The following ZNRF2 variants were observed in gnomAD, a reference collection of about 807,000 sequenced individuals.
ZNRF2 encodes the protein zinc and ring finger 2.
ZNRF2 carries 16 observed loss-of-function variants against 20.4 expected under a neutral mutation model. That is an observed-to-expected ratio of 0.79 (90% CI 0.53 to 1.19). The LOEUF (loss-of-function observed/expected upper bound fraction) is 1.19, where lower values mean the gene tolerates loss of function less well. Ranked by LOEUF, ZNRF2 falls within the 50% of genes most tolerant of loss-of-function variation. The pLI is 0.00. For missense variants in ZNRF2, 363 were observed against 332.4 expected (o/e 1.09, Z -0.72); for synonymous variants, 178 against 144.9 (o/e 1.23, Z -1.64).
intron 2 of ZNRF2, among the ~76,000 whole-genome samples, chr7:30,326,198 G>T (rs1799549458): frequency 6.6e-6 from 1 of 152,052 alleles, no homozygotes; most frequent in Non-Finnish European, 1.5e-5. Flanking sequence ...GTAAACTTGT[G>T]TCATGGGGGT....
chr7:30,285,782 T>C lies in ZNRF2; in HGVS notation c.425T>C (p.Val142Ala). 5.3e-6 allele frequency: 8 copies of C among 1,508,444 alleles called. No individual in the cohort carries two copies. Among genetic ancestry groups the C allele is most frequent in the South Asian group, 1.3e-5 (1 of 78,152 alleles). 93.4% of individuals were successfully genotyped at this position (1,508,444 alleles called of 1,614,324 possible). The part of the protein sequence containing the change: ...VGGSPGGPRL[V>A]IGSLPAHLSP... ...GGGAGCCCCGGCGGGCCGCGCCTGG[T>C]GATCGGCTCCTTACCAGCTCACCTC... The change falls in exon 1 of 5, where the codon GTG (valine) becomes GCG (alanine). Residue 142 changes from valine to alanine, a missense_variant. Around this residue, in one of 2 missense-constraint regions of ZNRF2, gnomAD observed 302 missense variants for 231.5 expected, o/e 1.30. Transcript: ENST00000323037.
At chr7:30,336,019 A>C (rs957730613) in intron 2 of ZNRF2, among the ~76,000 whole-genome samples, 1 of 152,168 alleles carries the variant, frequency 6.6e-6, no homozygotes, top group Non-Finnish European at 1.5e-5. Flanking sequence ...GAGAGTACCT[A>C]GCTGCTGTAA....
intron 1 of ZNRF2, chr7:30,288,773 A>C (rs2128054191): frequency 6.6e-6 from 1 of 152,360 alleles, no homozygotes; most frequent in Non-Finnish European, 1.5e-5. Context: ...GGAGTGTTAA[A>C]GTGAACAGAC....
intron 1 of ZNRF2, among the ~76,000 whole-genome samples, chr7:30,321,715 C>T (rs1583580568): frequency 2.0e-5 from 3 of 152,236 alleles, no homozygotes; most frequent in African/African-American, 7.2e-5. Flanking sequence ...CTCGTTTATG[C>T]TAAGTTTAAC....
chr7:30,294,366 C>T (rs376470651), intron 1 of ZNRF2, among the ~76,000 whole-genome samples: 43 of 152,220 alleles, frequency 2.8e-4, no homozygotes, highest in East Asian at 2.1e-3. Flanking sequence ...TCAGTTCTAT[C>T]GGGGAATAAT....
chr7:30,329,927 T>C (rs1430520402), intron 2 of ZNRF2, among the ~76,000 whole-genome samples: 1 of 152,210 alleles, frequency 6.6e-6, no homozygotes, highest in African/African-American at 2.4e-5. Flanking sequence ...CCACCAACAG[T>C]GTACAAGGGT....
At chr7:30,362,733 G>A (rs1800147928) in intron 4 of ZNRF2, among the ~76,000 whole-genome samples, 1 of 152,126 alleles carries the variant, frequency 6.6e-6, no homozygotes, top group African/African-American at 2.4e-5. Flanking sequence ...TGGCCAACAT[G>A]GTGAAACTCT....
intron 3 of ZNRF2, among the ~76,000 whole-genome samples, chr7:30,356,896 G>A (rs1800048858): frequency 6.6e-6 from 1 of 151,912 alleles, no homozygotes; most frequent in Non-Finnish European, 1.5e-5. Flanking sequence ...TAGTAGAAAC[G>A]GGGTTTCACC....
intron 1 of ZNRF2, among the ~76,000 whole-genome samples, chr7:30,320,153 A>C (rs866552404): frequency 2.0e-5 from 3 of 152,132 alleles, no homozygotes; most frequent in Middle Eastern, 3.4e-3. Context: ...TTTTTCCAAG[A>C]GCTCTGAAGA....
At chr7:30,353,331 G>A (rs1260128959) in intron 2 of ZNRF2, among the ~76,000 whole-genome samples, 1 of 152,090 alleles carries the variant, frequency 6.6e-6, no homozygotes, top group African/African-American at 2.4e-5. Flanking sequence ...ACTGAAATCA[G>A]TGTGTTCGGG....
intron 1 of ZNRF2, among the ~76,000 whole-genome samples, chr7:30,303,578 AGACTATGATAAACTGT>A (rs2128058330): frequency 6.6e-6 from 1 of 152,326 alleles, no homozygotes; most frequent in South Asian, 2.1e-4. Context: ...ATAAGCTCAT[AGACTATGATAAACTGT>A]GATGTTAGTG....
At chr7:30,335,017 G>T (rs1441017024) in intron 2 of ZNRF2, among the ~76,000 whole-genome samples, 1 of 139,346 alleles carries the variant, frequency 7.2e-6, no homozygotes, top group Non-Finnish European at 1.5e-5. Context: ...TATTTTAAAA[G>T]AAATGCATAG....
intron 2 of ZNRF2, among the ~76,000 whole-genome samples, chr7:30,333,724 G>A (rs1310853416): frequency 1.3e-5 from 2 of 152,168 alleles, no homozygotes; most frequent in East Asian, 3.9e-4. Context: ...GTATCTCATT[G>A]TGGTTTTGAT....
intron 1 of ZNRF2, among the ~76,000 whole-genome samples, chr7:30,317,561 T>C (rs1044055017): frequency 1.3e-5 from 2 of 152,310 alleles, no homozygotes; most frequent in Middle Eastern, 3.4e-3. Flanking sequence ...AATAATTAAA[T>C]GGCAACACCA....
chr7:30,291,237 T>C (rs184582446), intron 1 of ZNRF2, among the ~76,000 whole-genome samples: 1 of 152,218 alleles, frequency 6.6e-6, no homozygotes, highest in African/African-American at 2.4e-5. Flanking sequence ...GCTAGAAAAA[T>C]AGAAAGTGGA....
At chr7:30,321,616 CT>C (rs2128062828) in intron 1 of ZNRF2, among the ~76,000 whole-genome samples, 1 of 152,184 alleles carries the variant, frequency 6.6e-6, no homozygotes, top group South Asian at 2.1e-4. Context: ...TCAAGTGAGG[CT>C]TTTTAGGTTC....
chr7:30,328,352 A>G (rs1799584784), intron 2 of ZNRF2, among the ~76,000 whole-genome samples: 1 of 152,206 alleles, frequency 6.6e-6, no homozygotes, highest in Non-Finnish European at 1.5e-5. Flanking sequence ...CATCAGATAC[A>G]TTGGGCCTCT....
At chr7:30,362,601 A>G (rs1800143773) in intron 4 of ZNRF2, 145 bp downstream of exon 4, 2 of 458,526 alleles carry the variant, frequency 4.4e-6, no homozygotes, top group African/African-American at 2.0e-5. Flanking sequence ...TAGAAAACTT[A>G]CATTAAAAAT....
At chr7:30,361,646 C>G (rs1025743689) in intron 3 of ZNRF2, among the ~76,000 whole-genome samples, 1 of 152,040 alleles carries the variant, frequency 6.6e-6, no homozygotes. Flanking sequence ...CTATGCTGTC[C>G]CCTAGAGTAG....
Sources: gnomAD v4.1 joint callset for allele counts (sites outside exome capture counted in the v4.1 genomes callset) on GRCh38, gnomAD v4.1.1 for gene constraint, gnomAD v4.1.1 regional missense constraint, MANE v1.5 for transcripts, NCBI Gene and HGNC (gene_info 2026-07-23, HGNC 2026-07-21) for gene names.